PACSIN2: variants seen among roughly 807,000 people sequenced by gnomAD.
PACSIN2 encodes protein kinase C and casein kinase substrate in neurons 2.
PACSIN2 carries 25 observed loss-of-function variants against 63.8 expected under a neutral mutation model. The observed-to-expected ratio is 0.39, with a 90% CI of 0.29 to 0.55. The LOEUF is 0.55. PACSIN2 is among the 20% of genes least tolerant of loss of function. The probability of loss-of-function intolerance (pLI) is 0.62; values close to 1 mark genes in which losing one functional copy is unlikely to be tolerated. For synonymous variants in PACSIN2, 255 were observed against 256.2 expected, an observed-to-expected ratio of 1.00 and a Z score of 0.05; for missense variants, 518 against 646.9, an observed-to-expected ratio of 0.80 and a Z score of 2.16.
intron 1 of PACSIN2, among the ~76,000 whole-genome samples, chr22:42,973,870 C>T (rs1051108000): frequency 6.6e-6 from 1 of 152,220 alleles, no homozygotes. Flanking sequence ...GAAAAGCCCA[C>T]GAGAGAAATG....
chr22:42,898,924 GTCACAGGCGTGCTGGGGGGACTA>G (rs1161469957), intron 2 of PACSIN2, among the ~76,000 whole-genome samples: 3 of 152,188 alleles, frequency 2.0e-5, no homozygotes, highest in Non-Finnish European at 4.4e-5. Context: ...GCAGCTTATT[GTCACAGGCGTGCTGGGGGGACTA>G]TCCAAAGAGG....
intron 1 of PACSIN2, among the ~76,000 whole-genome samples, chr22:42,981,786 C>A (rs1922167932): frequency 2.4e-5 from 3 of 126,520 alleles, no homozygotes; most frequent in Admixed American, 7.4e-5. Flanking sequence ...GGTGGGTCAG[C>A]CCCCCGCCCG....
chr22:42,905,024 A>G (rs1452332808), intron 2 of PACSIN2, among the ~76,000 whole-genome samples: 1 of 152,248 alleles, frequency 6.6e-6, no homozygotes, highest in Admixed American at 6.5e-5. Flanking sequence ...TGTGTCTCTT[A>G]AACAGTTTTA....
At chr22:42,912,606 T>C (rs988597751) in intron 1 of PACSIN2, among the ~76,000 whole-genome samples, 7 of 152,208 alleles carry the variant, frequency 4.6e-5, no homozygotes, top group African/African-American at 1.7e-4. Flanking sequence ...TTCAGACCAG[T>C]TTGTTCTGAC....
intron 1 of PACSIN2, among the ~76,000 whole-genome samples, chr22:42,917,334 C>T (rs372381979): frequency 1.3e-5 from 2 of 152,138 alleles, no homozygotes; most frequent in East Asian, 3.9e-4. Flanking sequence ...CGGTCAGACA[C>T]GGTGGCTCAC....
intron 1 of PACSIN2, among the ~76,000 whole-genome samples, chr22:42,977,430 C>T (rs1401776346): frequency 6.6e-6 from 1 of 152,196 alleles, no homozygotes; most frequent in African/African-American, 2.4e-5. Flanking sequence ...TGCTCAACCT[C>T]ACCAGTACTC....
At position 42,871,540 on chromosome 22, in the gene PACSIN2, C is replaced by G. The variant is rs1008447788; in HGVS notation, c.1349-71G>C. 7 of 1,237,740 alleles carry G rather than the reference C, an allele frequency of 5.7e-6. No individual in the cohort carries two copies. Among genetic ancestry groups the G allele is most frequent in the Non-Finnish European group, 8.3e-6 (7 of 838,496 alleles). The allele number at this position is 1,237,740 out of a possible 1,614,324, so 76.7% of individuals were successfully genotyped here. A position where few individuals can be genotyped will look rare whatever the true frequency, so the allele number is the denominator to read the frequency against. ...ACGGTGGGCTACAGAGCCGCATTCA[C>G]GAGCTTTGAGCCCACAGAGGGTGGA... On this transcript the variant is annotated intron_variant, in intron 10 of 10. Transcript: ENST00000263246. The surrounding 1 kb of genome is among the most constrained non-coding windows in gnomAD (Gnocchi z 5.4).
rs768068973 is a variant in PACSIN2 at position 42,877,001 on chromosome 22, A to G, written c.1038T>C (p.Asn346=). 1 of 1,614,136 alleles carries G rather than the reference A, an allele frequency of 6.2e-7. No individual in the cohort carries two copies. The highest frequency in any genetic ancestry group is 1.1e-5 in the South Asian group (1 of 91,084). ...CAGACTGGGCGGGGTTGCTCGGGAC[A>G]TTAAGGGTGCTATGGAGAGAGAGAG... ...SLPSKPSSTL[N]VPSNPAQSAQ... Residue 346 remains asparagine (N), a synonymous_variant, in exon 9 of 11, where the codon AAT becomes AAC. Coordinates refer to ENST00000263246, the MANE Select transcript of PACSIN2 (RefSeq NM_001184970.3).
chr22:42,971,952 G>GC (rs1295749336), intron 1 of PACSIN2, among the ~76,000 whole-genome samples: 1 of 146,830 alleles, frequency 6.8e-6, no homozygotes, highest in Non-Finnish European at 1.5e-5. Context: ...CTGCCCGGCC[G>GC]CCCCGTCTGG....
At chr22:42,911,592 G>A (rs918755203) in intron 2 of PACSIN2, among the ~76,000 whole-genome samples, 1 of 152,154 alleles carries the variant, frequency 6.6e-6, no homozygotes, top group African/African-American at 2.4e-5. Flanking sequence ...TTGGCCCTCT[G>A]GCCACTTGCC....
At chr22:42,939,304 T>C (rs187401090) in intron 1 of PACSIN2, among the ~76,000 whole-genome samples, 2 of 152,170 alleles carry the variant, frequency 1.3e-5, no homozygotes, top group Middle Eastern at 3.2e-3. Context: ...GGCTGAACAC[T>C]TCCCCAACCT....
intron 1 of PACSIN2, among the ~76,000 whole-genome samples, chr22:42,983,880 A>G (rs983579787): frequency 6.6e-6 from 1 of 152,080 alleles, no homozygotes; most frequent in Non-Finnish European, 1.5e-5. Context: ...ACCACTGATC[A>G]GATGTCATGT....
At chr22:42,891,756 C>T (rs534156282) in intron 3 of PACSIN2, among the ~76,000 whole-genome samples, 2 of 152,300 alleles carry the variant, frequency 1.3e-5, no homozygotes, top group Admixed American at 6.5e-5. Context: ...CTCAAATTTC[C>T]ACATCTTAGA....
At chr22:42,947,822 G>A (rs1933497310) in intron 1 of PACSIN2, among the ~76,000 whole-genome samples, 1 of 152,220 alleles carries the variant, frequency 6.6e-6, no homozygotes, top group Non-Finnish European at 1.5e-5. Context: ...CTGGCACAGT[G>A]CCTGGAGTAT....
chr22:42,972,635 T>C (rs1921411055), intron 1 of PACSIN2, among the ~76,000 whole-genome samples: 1 of 152,210 alleles, frequency 6.6e-6, no homozygotes, highest in Non-Finnish European at 1.5e-5. Context: ...TGCACCAGGA[T>C]GGGCCCAAAG....
At chr22:42,883,684 G>A (rs1929242963) in intron 6 of PACSIN2, among the ~76,000 whole-genome samples, 1 of 152,242 alleles carries the variant, frequency 6.6e-6, no homozygotes, top group Non-Finnish European at 1.5e-5. Context: ...GCCCAGAAAT[G>A]CCAGATTCAC....
At position 42,982,888 on chromosome 22, in the gene PACSIN2, A is replaced by AAAAAAAAAAAAAAAAAAAAAAAC. The variant is rs759532303; in HGVS notation, c.-78+32132_-78+32133insGTTTTTTTTTTTTTTTTTTTTTT. Among the ~76,000 whole-genome samples, 25 of 105,154 alleles carry AAAAAAAAAAAAAAAAAAAAAAAC rather than the reference A, an allele frequency of 2.4e-4. 1 individual carries two copies. Among genetic ancestry groups the AAAAAAAAAAAAAAAAAAAAAAAC allele is most frequent in the Admixed American group, 4.5e-4 (4 of 8,868 alleles). The allele number at this position is 105,154 out of a possible 152,430, so 69.0% of individuals were successfully genotyped here. On this transcript the variant is annotated intron_variant, in intron 1 of 10. Coordinates refer to ENST00000263246, the MANE Select transcript of PACSIN2 (RefSeq NM_001184970.3). The stretch of plus-strand genomic sequence containing the variant: ...GATCAATAAAAAAAAAAAAAAAAAA[A>AAAAAAAAAAAAAAAAAAAAAAAC]AACAACAACAAGGCTAGGAGCAGTG...
At chr22:42,999,321 G>C (rs757061121) in intron 1 of PACSIN2, among the ~76,000 whole-genome samples, 2 of 152,164 alleles carry the variant, frequency 1.3e-5, no homozygotes, top group Admixed American at 6.5e-5. Flanking sequence ...TCCCATTTCA[G>C]TAACATATAA....
At chr22:42,935,304 C>T (rs1488608792) in intron 1 of PACSIN2, among the ~76,000 whole-genome samples, 1 of 152,118 alleles carries the variant, frequency 6.6e-6, no homozygotes, top group Non-Finnish European at 1.5e-5. Context: ...CCTGCCTCCT[C>T]CCTGTTTCCC....
Sources: gnomAD v4.1 joint callset for allele counts (sites outside exome capture counted in the v4.1 genomes callset) on GRCh38, gnomAD v4.1.1 for gene constraint, Gnocchi (gnomAD v3.1) non-coding constraint, MANE v1.5 for transcripts, NCBI Gene and HGNC (gene_info 2026-07-23, HGNC 2026-07-21) for gene names.